HUWE1: variants seen among roughly 807,000 people sequenced by gnomAD.
HUWE1 encodes the protein HECT, UBA and WWE domain containing E3 ubiquitin protein ligase 1.
A neutral mutation model predicts 299.4 loss-of-function variants in HUWE1; 18 were observed. That is an observed-to-expected ratio of 0.06 (90% CI 0.04 to 0.09). HUWE1 has a LOEUF of 0.09. HUWE1 is among the 10% of genes least tolerant of loss of function. The pLI is 1.00. For missense variants in HUWE1, 1,832 were observed against 3,462.3 expected (o/e 0.53, Z 11.82); for synonymous variants, 1,317 against 1,286.1 (o/e 1.02, Z -0.51).
At chrX:53,550,875 GCCCT>G (rs1556928114) in intron 65 of HUWE1, 22 bp downstream of exon 65, 1 of 1,210,052 alleles carries the variant, frequency 8.3e-7, no homozygotes, top group Non-Finnish European at 1.1e-6. Context: ...GCTTTCCAGA[GCCCT>G]CCCACTTGCC....
chrX:53,578,375 C>T (rs1398264747), intron 43 of HUWE1, among the ~76,000 whole-genome samples: 1 of 102,360 alleles, frequency 9.8e-6, no homozygotes, highest in Admixed American at 9.8e-5. Context: ...AGCCCCCCGC[C>T]CGGCCAGCCG....
Position 53,647,885 on chromosome X carries a change from T to C in HUWE1, c.145-311A>G, listed in dbSNP as rs146234701. Among the ~76,000 whole-genome samples, 659 of 112,533 alleles carry C rather than the reference T, an allele frequency of 5.9e-3. 3 individuals are homozygous for C. The highest frequency in any genetic ancestry group is 0.028 in the Middle Eastern group (6 of 217). On this transcript the variant is annotated intron_variant, in intron 5 of 83. Transcript: ENST00000262854. ...GAACTATCCTTGCCAGAATCCATTT[T>C]ATCAGAAAAATTCATTTTTAGAGTT...
chrX:53,611,037 T>C (rs188467135), intron 23 of HUWE1, among the ~76,000 whole-genome samples: 2 of 110,287 alleles, frequency 1.8e-5, no homozygotes, highest in East Asian at 5.7e-4. Context: ...TAGAACTACT[T>C]GTGGTGAGTG....
intron 2 of HUWE1, among the ~76,000 whole-genome samples, chrX:53,681,984 G>T (rs782133709): frequency 1.8e-5 from 2 of 111,190 alleles, no homozygotes; most frequent in Non-Finnish European, 3.8e-5. Flanking sequence ...CAAACATCAT[G>T]AACCACTGGA....
At chrX:53,554,561 C>G in intron 61 of HUWE1, 72 bp downstream of exon 61, 5 of 1,058,821 alleles carry the variant, frequency 4.7e-6, no homozygotes, top group Non-Finnish European at 6.6e-6. Context: ...AGCAAAAGAG[C>G]AAAGAGAAGC....
At chrX:53,586,981 G>A in intron 37 of HUWE1, 72 bp from the exon 38 acceptor site, 1 of 1,082,966 alleles carries the variant, frequency 9.2e-7, no homozygotes, top group Non-Finnish European at 1.3e-6. Flanking sequence ...ATTAGCATGG[G>A]ATAGGGGAGG....
At chrX:53,663,564 G>A (rs1557046397) in intron 3 of HUWE1, among the ~76,000 whole-genome samples, 1 of 111,011 alleles carries the variant, frequency 9.0e-6, no homozygotes, top group East Asian at 2.8e-4. Flanking sequence ...GAATTATGGG[G>A]TCACTGAAAT....
At chrX:53,607,475 A>C in intron 25 of HUWE1, 48 bp downstream of exon 25, 1 of 1,153,438 alleles carries the variant, frequency 8.7e-7, no homozygotes, top group Non-Finnish European at 1.2e-6. Flanking sequence ...AGTATCGCAA[A>C]ATTGATTTCC....
At chrX:53,583,225 T>G (rs1380119114) in intron 42 of HUWE1, among the ~76,000 whole-genome samples, 2 of 108,467 alleles carry the variant, frequency 1.8e-5, no homozygotes, top group African/African-American at 6.7e-5. Flanking sequence ...TACAAAGGAA[T>G]GATTCTGAAG....
At chrX:53,609,063 T>C (rs1308151983) in intron 23 of HUWE1, among the ~76,000 whole-genome samples, 154 bp from the exon 24 acceptor site, 1 of 111,470 alleles carries the variant, frequency 9.0e-6, no homozygotes, top group Non-Finnish European at 1.9e-5. Flanking sequence ...TCACCCAGGC[T>C]GGAGTGCAGT....
At chrX:53,585,968 C>T (rs1408605845) in intron 39 of HUWE1, among the ~76,000 whole-genome samples, 8 of 112,214 alleles carry the variant, frequency 7.1e-5, no homozygotes, top group African/African-American at 1.3e-4. Context: ...GGATTACAGA[C>T]GTGAGCCTAC....
chrX:53,664,179 T>C (rs1268095729), intron 3 of HUWE1, among the ~76,000 whole-genome samples: 1 of 110,663 alleles, frequency 9.0e-6, no homozygotes, highest in Non-Finnish European at 1.9e-5. Flanking sequence ...GCCTCCAGAG[T>C]AGCTGGGACC....
At chrX:53,667,033 CAGAT>C (rs1192674247) in intron 3 of HUWE1, among the ~76,000 whole-genome samples, 1 of 111,267 alleles carries the variant, frequency 9.0e-6, no homozygotes, top group Non-Finnish European at 1.9e-5. Context: ...GATGAATACT[CAGAT>C]AGCCAGGTGT....
intron 3 of HUWE1, among the ~76,000 whole-genome samples, chrX:53,671,784 TC>T (rs1557049434): frequency 1.7e-5 from 1 of 59,081 alleles, no homozygotes; most frequent in East Asian, 6.2e-4. Context: ...ACAGCGAGAC[TC>T]CGTCTCAAAA....
intron 12 of HUWE1, among the ~76,000 whole-genome samples, chrX:53,630,611 G>A (rs1557021846): frequency 9.2e-6 from 1 of 108,719 alleles, no homozygotes; most frequent in Non-Finnish European, 1.9e-5. Context: ...GAGAGAGGAG[G>A]AAGACACAAT....
chrX:53,535,228 C>CACCCGG, intron 81 of HUWE1, among the ~76,000 whole-genome samples, 156 bp downstream of exon 81: 1 of 112,131 alleles, frequency 8.9e-6, no homozygotes. Flanking sequence ...AGCCACCGTG[C>CACCCGG]CCAAAGTTAA....
rs1556942506 is a variant in HUWE1, at chrX:53,562,849, A to G, written c.7186T>C (p.Leu2396=). ...APSNLSQAST[L]QANREDSMNI... ...CTCTCACCTTCTCGGTTGGCCTGCA[A>G]GGTGGAAGCTTGGCTGAGGTTGGAA... is the stretch of plus-strand genomic sequence containing the variant. The change falls in exon 53 of 84, where the codon TTG becomes CTG. Residue 2396 remains leucine, a synonymous_variant. Coordinates refer to ENST00000262854, the MANE Select transcript of HUWE1 (RefSeq NM_031407.7). 12 of 1,210,910 alleles carry G rather than the reference A, an allele frequency of 9.9e-6. No homozygotes were observed. Among genetic ancestry groups the G allele is most frequent in the Non-Finnish European group, 1.3e-5 (12 of 894,961 alleles).
intron 3 of HUWE1, among the ~76,000 whole-genome samples, chrX:53,672,487 G>A (rs782820555): frequency 9.1e-6 from 1 of 110,303 alleles, no homozygotes; most frequent in East Asian, 2.8e-4. Context: ...TCGAACTCCT[G>A]ACCTCAAATG....
chrX:53,676,658 C>T (rs1310728930), intron 3 of HUWE1, among the ~76,000 whole-genome samples: 1 of 111,721 alleles, frequency 9.0e-6, no homozygotes, highest in Non-Finnish European at 1.9e-5. Context: ...TCAAAGACTA[C>T]TAGAGAGCAT....
Sources: allele counts gnomAD v4.1 joint callset (sites outside exome capture counted in the v4.1 genomes callset), GRCh38; gene constraint gnomAD v4.1.1; transcripts MANE v1.5; gene names NCBI Gene and HGNC (gene_info 2026-07-23, HGNC 2026-07-21).